The following KIF18B variants were observed in gnomAD, a reference collection of about 807,000 sequenced individuals.
KIF18B encodes the protein kinesin-like protein KIF18B.
In KIF18B, 49 loss-of-function variants were observed where a neutral mutation model predicts 80.9. The observed-to-expected ratio is 0.61, with a 90% CI of 0.48 to 0.77. The LOEUF is 0.77. Ranked by LOEUF, KIF18B falls within the 30% of genes least tolerant of loss-of-function variation. The pLI, the probability that KIF18B is intolerant of heterozygous loss-of-function variation, is 0.00. For missense variants in KIF18B, 994 were observed against 1,127.7 expected, an observed-to-expected ratio of 0.88 and a Z score of 1.70; for synonymous variants, 439 against 463.9, an observed-to-expected ratio of 0.95 and a Z score of 0.69.
rs375819363 is a variant in KIF18B at position 44,936,090 on chromosome 17, C to A, written c.255G>T (p.Val85=). ...GGACGCTGTGCGTGGTGTGCTGGAA[C>A]ACGTCCTGTTGGGTGGCCGCCTCGC... is the stretch of plus-strand genomic sequence containing the variant. ...VFGEAATQQD[V]FQHTTHSVLD... is the part of the protein sequence containing the mutation. The change falls in exon 2 of 16, where the codon GTG becomes GTT. Residue 85 remains valine, a synonymous_variant. Transcript: ENST00000593135. 1.2e-6 allele frequency: 2 copies of A among 1,613,742 alleles called. No individual in the cohort carries two copies. Among genetic ancestry groups the A allele is most frequent in the Non-Finnish European group, 1.7e-6 (2 of 1,179,910 alleles).
chr17:44,931,033 G>C (rs1178472282), intron 11 of KIF18B, among the ~76,000 whole-genome samples: 2 of 152,186 alleles, frequency 1.3e-5, no homozygotes, highest in Non-Finnish European at 2.9e-5. Context: ...ACAGAGCTAA[G>C]TGGCAGGGGA....
In KIF18B at chr17:44,945,722, C is replaced by T. The variant is rs547443903; in HGVS notation, c.-15+1906G>A. Among the ~76,000 whole-genome samples, 7 of 151,070 alleles carry T rather than the reference C, an allele frequency of 4.6e-5. No homozygotes were observed. In the South Asian group the frequency reaches 6.3e-4, roughly 14 times the overall value. ...GAGTTTGAGACCAGCCTGGCCAACA[C>T]GGTGAAACCCCATCCCGACTAAAAA... On this transcript the variant is annotated intron_variant, in intron 1 of 15. Transcript: ENST00000593135.
In KIF18B at chr17:44,936,061, T is replaced by C; in HGVS notation, c.284A>G (p.Asp95Gly). The C allele has an allele frequency of 6.2e-7, 1 of 1,613,724 alleles. No homozygotes were observed. Among genetic ancestry groups the C allele is most frequent in the Non-Finnish European group, 8.5e-7 (1 of 1,179,876 alleles). Reference protein sequence around the residue: ...VFQHTTHSVLDSFLQGYNCSV... With the variant: ...VFQHTTHSVLGSFLQGYNCSV... ...GCAGTTGTAGCCCTGGAGGAAGCTGTCCAGGACGCTGTGCGTGGTGTGCTG... is the reference window on the plus strand; with the variant it reads ...GCAGTTGTAGCCCTGGAGGAAGCTGCCCAGGACGCTGTGCGTGGTGTGCTG... Residue 95 changes from aspartate to glycine, a missense_variant, in exon 2 of 16, where the codon GAC (aspartate) becomes GGC (glycine). Transcript: ENST00000593135.
chr17:44,933,044 C>T, intron 7 of KIF18B, 58 bp from the exon 8 acceptor site: 1 of 1,512,908 alleles, frequency 6.6e-7, no homozygotes, highest in East Asian at 2.3e-5. Flanking sequence ...TTTTATCAGC[C>T]ACCGCCGATG....
rs2052150866 is a variant in KIF18B at position 44,931,682 on chromosome 17, C to A, written c.1437G>T (p.Glu479Asp). Residue 479 changes from glutamate (E) to aspartate (D), a missense_variant, in exon 11 of 16, where the codon GAG becomes GAT. Physicochemically the swap from Glu to Asp is conservative, Grantham distance 45 (BLOSUM62 2). Coordinates refer to ENST00000593135, the MANE Select transcript of KIF18B (RefSeq NM_001265577.2). ...PEQNPTHALP[E>D]SPRLTLQPKP... ...TGGGCTGCAGGGTCAGGCGAGGGGA[C>A]TCTGGCAGTGCATGTGTGGGGTTCT... is the stretch of plus-strand genomic sequence containing the variant. 6.2e-7 allele frequency: 1 copy of A among 1,613,960 alleles called. No individual in the cohort carries two copies. Among genetic ancestry groups the A allele is most frequent in the Admixed American group, 1.7e-5 (1 of 60,010 alleles).
In KIF18B at chr17:44,925,803, A is replaced by G; in HGVS notation, c.*277T>C. 4.2e-6 allele frequency: 2 copies of G among 480,838 alleles called. No individual in the cohort carries two copies. The highest frequency in any genetic ancestry group is 7.4e-6 in the Non-Finnish European group (2 of 270,710). 29.8% of individuals were successfully genotyped at this position (480,838 alleles called of 1,614,324 possible). A position where few individuals can be genotyped will look rare whatever the true frequency, so the allele number is the denominator to read the frequency against. On this transcript the variant is annotated 3_prime_UTR_variant, in exon 16 of 16. Transcript: ENST00000593135. ...CTCAAAACAAAAAAAACAAAAAACA[A>G]AAACCACCAAAAAACAAAAAACAGC...
intron 14 of KIF18B, 81 bp from the exon 15 acceptor site, chr17:44,926,580 G>A (rs2052031942): frequency 8.2e-6 from 11 of 1,339,256 alleles, no homozygotes; most frequent in Middle Eastern, 1.9e-4. Flanking sequence ...GGGCATATAA[G>A]TACTTGACAC....
chr17:44,932,893 C>T lies in KIF18B; in HGVS notation c.1137+19G>A. Reference sequence around the variant, plus strand: ...CTGGCTGTCGGCCCTCCAGCCTGCCCCCAAGGCGGGCTCCTCACCTCAGCC... The same window carrying T: ...CTGGCTGTCGGCCCTCCAGCCTGCCTCCAAGGCGGGCTCCTCACCTCAGCC... On this transcript the variant is annotated intron_variant, in intron 8 of 15. Coordinates refer to ENST00000593135, the MANE Select transcript of KIF18B (RefSeq NM_001265577.2). 6.3e-7 allele frequency: 1 copy of T among 1,597,340 alleles called. No individual in the cohort carries two copies. The highest frequency in any genetic ancestry group is 8.6e-7 in the Non-Finnish European group (1 of 1,167,104).
chr17:44,937,977 TAC>T (rs57130293), intron 1 of KIF18B, among the ~76,000 whole-genome samples: 7,541 of 143,868 alleles, frequency 0.052, 221 homozygotes, highest in African/African-American at 0.073. Flanking sequence ...AGCATCTCCA[TAC>T]ACACACACAC....
At chr17:44,936,743 G>A (rs1318033139) in intron 1 of KIF18B, among the ~76,000 whole-genome samples, 2 of 139,398 alleles carry the variant, frequency 1.4e-5, no homozygotes, top group East Asian at 2.4e-4. Context: ...AGGTTCAAGC[G>A]ATTCCCCTGC....
intron 1 of KIF18B, among the ~76,000 whole-genome samples, chr17:44,947,410 G>A (rs2052532798): frequency 6.6e-6 from 1 of 152,242 alleles, no homozygotes; most frequent in African/African-American, 2.4e-5. Flanking sequence ...ACCCGTACGG[G>A]TGTGTAAGGA....
At position 44,926,424 on chromosome 17, in the gene KIF18B, A is replaced by C; in HGVS notation, c.2442T>G (p.Leu814=). The change falls in exon 15 of 16, where the codon CTT becomes CTG. Residue 814 remains leucine (L), a synonymous_variant. Coordinates refer to ENST00000593135, the MANE Select transcript of KIF18B (RefSeq NM_001265577.2). ...CCTAGTGCCAGTCACCTGGGAGTACAAGGGGCCCAGCTGGCCTCTTCAAAG... is the reference window on the plus strand; with the variant it reads ...CCTAGTGCCAGTCACCTGGGAGTACCAGGGGCCCAGCTGGCCTCTTCAAAG... ...SSTLKRPAGP[L]VLPELPLSPL... The C allele has an allele frequency of 6.3e-7, 1 of 1,575,290 alleles. No individual in the cohort carries two copies. The highest frequency in any genetic ancestry group is 8.6e-7 in the Non-Finnish European group (1 of 1,160,626).
rs201865018 is a variant in KIF18B at position 44,929,002 on chromosome 17, C to T, written c.1540G>A (p.Val514Ile). Residue 514 changes from valine (V) to isoleucine (I), a missense_variant, in exon 12 of 16, where the codon GTT (valine) becomes ATT (isoleucine). Val to Ile is a conservative substitution (Grantham distance 29). Coordinates refer to ENST00000593135, the MANE Select transcript of KIF18B (RefSeq NM_001265577.2). ...AGCAGGGAGTACTGCCGCTGGGCAA[C>T]GCACAGCACCTTTAGGGCCAACCTG... Reference protein sequence around the residue: ...SKQLALKVLCVAQRQYSLLQA... With the variant: ...SKQLALKVLCIAQRQYSLLQA... 291 of 1,613,880 alleles carry T rather than the reference C, an allele frequency of 1.8e-4. 1 individual carries two copies. Among genetic ancestry groups the T allele is most frequent in the Non-Finnish European group, 2.2e-4 (263 of 1,179,886 alleles).
rs766403173 is a variant in KIF18B at position 44,934,863 on chromosome 17, C to T, written c.544G>A (p.Gly182Arg). 10 of 1,550,654 alleles carry T rather than the reference C, an allele frequency of 6.4e-6. No homozygotes were observed. The African/African-American group carries it at 9.6e-5, about 15-fold the overall frequency. Residue 182 changes from glycine (G) to arginine (R), a missense_variant, in exon 4 of 16, where the codon GGG (glycine) becomes AGG (arginine). By Grantham distance (125) the Gly-to-Arg change is moderately radical (BLOSUM62 -2). Coordinates refer to ENST00000593135, the MANE Select transcript of KIF18B (RefSeq NM_001265577.2). The surrounding 1 kb of genome is among the most constrained non-coding windows in gnomAD (Gnocchi z 5.4). ...PLAIREDPDK[G>R]VVVQGLSFHQ... Reference sequence around the variant, plus strand: ...AAAGAAAGTCCTTGCACCACCACCCCCTTGTCGGGGTCCTCGCGGATGGCA... The same window carrying T: ...AAAGAAAGTCCTTGCACCACCACCCTCTTGTCGGGGTCCTCGCGGATGGCA...
intron 14 of KIF18B, 55 bp downstream of exon 14, chr17:44,926,934 G>A: frequency 1.4e-6 from 2 of 1,468,206 alleles, no homozygotes; most frequent in Non-Finnish European, 1.9e-6. Context: ...GGTGTCTACT[G>A]CCCTGGTGAG....
At chr17:44,931,527 C>T in intron 11 of KIF18B, 75 bp downstream of exon 11, 1 of 1,600,092 alleles carries the variant, frequency 6.2e-7, no homozygotes, top group African/African-American at 1.3e-5. Flanking sequence ...GTGCTTAACA[C>T]CAATTCCCAC....
chr17:44,945,678 G>A (rs113648219), intron 1 of KIF18B, among the ~76,000 whole-genome samples: 7,350 of 152,082 alleles, frequency 0.048, 262 homozygotes, highest in Non-Finnish European at 0.079. Flanking sequence ...ACCGAGGTGG[G>A]TGGATCACCT....
intron 1 of KIF18B, among the ~76,000 whole-genome samples, chr17:44,939,752 T>C (rs2052381045): frequency 6.6e-6 from 1 of 152,196 alleles, no homozygotes; most frequent in Non-Finnish European, 1.5e-5. Context: ...ATTATATATT[T>C]CTTGATAGGT....
Position 44,926,054 on chromosome 17 carries a change from C to A in KIF18B, c.*26G>T. The A allele has an allele frequency of 1.2e-6, 2 of 1,613,600 alleles. No individual in the cohort carries two copies. The highest frequency in any genetic ancestry group is 1.7e-6 in the Non-Finnish European group (2 of 1,179,698). On this transcript the variant is annotated 3_prime_UTR_variant, in exon 16 of 16. Coordinates refer to ENST00000593135, the MANE Select transcript of KIF18B (RefSeq NM_001265577.2). ...GCAGAGGGGCCGGTAGGTTAGGACA[C>A]CTTGGTGGTCAGGACATTCTGGCGG...
Sources: allele counts gnomAD v4.1 joint callset (sites outside exome capture counted in the v4.1 genomes callset), GRCh38; gene constraint gnomAD v4.1.1; non-coding constraint Gnocchi (gnomAD v3.1); transcripts MANE v1.5; gene names NCBI Gene and HGNC (gene_info 2026-07-23, HGNC 2026-07-21).